HHIP: variants seen among roughly 807,000 people sequenced by gnomAD.
HHIP encodes the protein hedgehog-interacting protein.
HHIP carries 12 observed loss-of-function variants against 74.0 expected under a neutral mutation model. The observed-to-expected ratio is 0.16, with a 90% confidence interval of 0.10 to 0.26. The LOEUF is 0.26. HHIP is among the 10% of genes least tolerant of loss of function. The probability of loss-of-function intolerance (pLI) is 1.00; values close to 1 mark genes in which losing one functional copy is unlikely to be tolerated. For synonymous variants in HHIP, 309 were observed against 311.6 expected (o/e 0.99, Z 0.09); for missense variants, 788 against 845.0 (o/e 0.93, Z 0.84).
At chr4:144,655,300 AACTCTCC>A (rs1415833820) in intron 2 of HHIP, among the ~76,000 whole-genome samples, 1 of 152,120 alleles carries the variant, frequency 6.6e-6, no homozygotes, top group African/African-American at 2.4e-5. Flanking sequence ...AAATGCCAAA[AACTCTCC>A]ACTTGTTTCT....
At chr4:144,709,887 C>G (rs1449480909) in intron 7 of HHIP, among the ~76,000 whole-genome samples, 2 of 152,128 alleles carry the variant, frequency 1.3e-5, no homozygotes, top group South Asian at 4.1e-4. Context: ...ATGATCATCC[C>G]CCATAGAGAA....
chr4:144,656,517 A>C (rs1056014527), intron 2 of HHIP, among the ~76,000 whole-genome samples: 1 of 152,190 alleles, frequency 6.6e-6, no homozygotes, highest in Non-Finnish European at 1.5e-5. Context: ...TTTCACCTTA[A>C]GATGGTATTG....
chr4:144,739,096 C>T lies in HHIP; in HGVS notation c.*1139C>T, dbSNP rs1003714376. The T allele has an allele frequency of 6.6e-6, 1 of 152,164 alleles. No homozygotes were observed. The highest frequency in any genetic ancestry group is 2.4e-5 in the African/African-American group (1 of 41,446). The allele number at this position is 152,164 out of a possible 1,614,324, so 9.4% of individuals were successfully genotyped here. A position where few individuals can be genotyped will look rare whatever the true frequency, so the allele number is the denominator to read the frequency against. ...TGTACAAATTTTTAACATAATAATT[C>T]TTGCCAAATATGACTTTAAATGTAC... On this transcript the variant is annotated 3_prime_UTR_variant, in exon 13 of 13. Transcript: ENST00000296575.
At chr4:144,672,999 G>C (rs529604048) in intron 4 of HHIP, among the ~76,000 whole-genome samples, 2 of 152,092 alleles carry the variant, frequency 1.3e-5, no homozygotes, top group African/African-American at 4.8e-5. Context: ...GCCTGGCTCC[G>C]GCCCAAACTT....
chr4:144,731,484 A>G (rs947007947), intron 11 of HHIP, among the ~76,000 whole-genome samples: 4 of 152,222 alleles, frequency 2.6e-5, no homozygotes, highest in African/African-American at 9.6e-5. Context: ...CAATGGCATG[A>G]TCTTGGCTCA....
chr4:144,697,760 C>T (rs1228959381), intron 4 of HHIP, among the ~76,000 whole-genome samples: 1 of 151,808 alleles, frequency 6.6e-6, no homozygotes, highest in East Asian at 1.9e-4. Flanking sequence ...AAGTATATAA[C>T]TGAGTATGTA....
intron 4 of HHIP, among the ~76,000 whole-genome samples, chr4:144,681,418 GTTCTTT>G (rs1729336250): frequency 7.3e-6 from 1 of 137,756 alleles, no homozygotes; most frequent in South Asian, 2.4e-4. Flanking sequence ...GGATTGCAGA[GTTCTTT>G]TTTTTTTTTT....
chr4:144,712,654 TG>T (rs1251563395), intron 8 of HHIP, among the ~76,000 whole-genome samples: 1 of 152,178 alleles, frequency 6.6e-6, no homozygotes, highest in Admixed American at 6.6e-5. Flanking sequence ...AATATAAAGT[TG>T]GATAATAATA....
chr4:144,736,177 C>G (rs964503415), intron 12 of HHIP, among the ~76,000 whole-genome samples: 1 of 144,586 alleles, frequency 6.9e-6, no homozygotes, highest in African/African-American at 2.5e-5. Flanking sequence ...TCTCTGTCGC[C>G]CAGGCTGGAG....
At chr4:144,712,231 C>T (rs1375680961) in intron 8 of HHIP, among the ~76,000 whole-genome samples, 160 bp downstream of exon 8, 1 of 152,122 alleles carries the variant, frequency 6.6e-6, no homozygotes. Context: ...CTTTTTAAAG[C>T]TCCAGTGACT....
intron 2 of HHIP, among the ~76,000 whole-genome samples, chr4:144,657,566 C>A (rs140368034): frequency 4.0e-4 from 61 of 152,230 alleles, no homozygotes; most frequent in South Asian, 1.2e-3. Flanking sequence ...GTGAGTCTTG[C>A]TAATATGTCC....
chr4:144,706,569 T>A lies in HHIP; in HGVS notation c.870T>A (p.His290Gln), dbSNP rs1303554866. 1.9e-6 allele frequency: 3 copies of A among 1,612,794 alleles called. 1 individual carries two copies. The highest frequency in any genetic ancestry group is 1.6e-4 in the Middle Eastern group (1 of 6,080). The part of the protein sequence containing the change: ...DERGLLSLAF[H>Q]PNYKKNGKLY... ...GAGGACTGCTAAGCCTCGCATTCCATCCCAATTACAAGAAAAATGGAAAGT... is the reference window on the plus strand; with the variant it reads ...GAGGACTGCTAAGCCTCGCATTCCAACCCAATTACAAGAAAAATGGAAAGT... The change falls in exon 5 of 13, where the codon CAT becomes CAA. Residue 290 changes from histidine (H) to glutamine (Q), a missense_variant. By Grantham distance (24) the His-to-Gln change is conservative. Around this residue, in one of 3 missense-constraint regions of HHIP, gnomAD observed 373 missense variants for 366.4 expected, o/e 1.02. Coordinates refer to ENST00000296575, the MANE Select transcript of HHIP (RefSeq NM_022475.3).
At chr4:144,696,103 T>C (rs1320017688) in intron 4 of HHIP, among the ~76,000 whole-genome samples, 3 of 151,952 alleles carry the variant, frequency 2.0e-5, no homozygotes, top group Non-Finnish European at 4.4e-5. Flanking sequence ...ACTATAATAG[T>C]TATATCTTCA....
rs528476075 is a variant in HHIP, at chr4:144,728,931, C to T, written c.1761-5810C>T. The stretch of plus-strand genomic sequence containing the variant: ...TGGCTATGTGTAGTCTCAAAACATG[C>T]GGTAAATCCTTCAGAATACAGCATT... On this transcript the variant is annotated intron_variant, in intron 11 of 12. Coordinates refer to ENST00000296575, the MANE Select transcript of HHIP (RefSeq NM_022475.3). Among the ~76,000 whole-genome samples the T allele has an allele frequency of 4.6e-5, 7 of 152,034 alleles. No individual in the cohort carries two copies. In the East Asian group the frequency reaches 7.7e-4, roughly 17 times the overall value.
chr4:144,737,174 T>C (rs1196137469), intron 12 of HHIP, among the ~76,000 whole-genome samples: 2 of 152,232 alleles, frequency 1.3e-5, no homozygotes, highest in Non-Finnish European at 2.9e-5. Context: ...GCTGGCCAAC[T>C]GCACTGACTC....
chr4:144,658,283 A>G (rs1008970782), intron 2 of HHIP, among the ~76,000 whole-genome samples: 11 of 152,092 alleles, frequency 7.2e-5, no homozygotes, highest in Non-Finnish European at 1.3e-4. Context: ...TTTTACCACA[A>G]TTTTTAAATT....
chr4:144,649,301 T>G (rs1056628711), intron 1 of HHIP, among the ~76,000 whole-genome samples: 4 of 152,152 alleles, frequency 2.6e-5, no homozygotes, highest in South Asian at 4.1e-4. Context: ...AGCTTTTTCC[T>G]ACAGGAAGAA....
At chr4:144,661,925 T>C (rs1288405444) in intron 4 of HHIP, among the ~76,000 whole-genome samples, 2 of 152,202 alleles carry the variant, frequency 1.3e-5, no homozygotes, top group Non-Finnish European at 2.9e-5. Context: ...TTTAACAGAC[T>C]AAAGTATTAG....
intron 2 of HHIP, among the ~76,000 whole-genome samples, chr4:144,654,377 G>A (rs965697851): frequency 2.0e-5 from 3 of 152,030 alleles, no homozygotes; most frequent in African/African-American, 7.2e-5. Flanking sequence ...AGTGCTTTTG[G>A]TGGCCACCCA....
Sources: allele counts gnomAD v4.1 joint callset (sites outside exome capture counted in the v4.1 genomes callset), GRCh38; gene constraint gnomAD v4.1.1; regional missense constraint gnomAD v4.1.1; transcripts MANE v1.5; gene names NCBI Gene and HGNC (gene_info 2026-07-23, HGNC 2026-07-21).